Variants in ZNHIT3 observed in about 807,000 individuals in gnomAD.
ZNHIT3 encodes the protein zinc finger HIT-type containing 3, also known as zinc finger HIT domain-containing protein 3.
In ZNHIT3, 27 loss-of-function variants were observed where a neutral mutation model predicts 19.9. The observed-to-expected ratio is 1.36, with a 90% CI of 1.00 to 1.87. ZNHIT3 has a LOEUF of 1.87. Among genes scored for constraint, ZNHIT3 ranks in the 40% most tolerant of loss-of-function variants. ZNHIT3 has a pLI of 0.00. For missense variants in ZNHIT3, 215 were observed against 185.6 expected (o/e 1.16, Z -0.92); for synonymous variants, 81 against 65.7 (o/e 1.23, Z -1.13).
chr17:36,490,254 G>A (rs1450239784), intron 2 of ZNHIT3: 1 of 152,020 alleles, frequency 6.6e-6, no homozygotes, highest in Non-Finnish European at 1.5e-5. Context: ...TTTATATATG[G>A]TGACAGATAA....
rs201228623 is a variant in ZNHIT3, at chr17:36,486,954, C to T, written c.106C>T (p.Arg36Trp). Reference sequence around the variant, plus strand: ...TTACAGCTGCTCGGTAGTCTGCTTCCGGAAGCACAAAGGTGAGCCCCGTCC... The same window carrying T: ...TTACAGCTGCTCGGTAGTCTGCTTCTGGAAGCACAAAGGTGAGCCCCGTCC... Reference protein sequence around the residue: ...RVPYCSVVCFRKHKEQCNPET... With the variant: ...RVPYCSVVCFWKHKEQCNPET... The change falls in exon 2 of 5, where the codon CGG becomes TGG. Residue 36 changes from arginine to tryptophan, a missense_variant. Physicochemically the swap from Arg to Trp is moderately radical, Grantham distance 101 (BLOSUM62 -3). Transcript: ENST00000617429. 2.7e-5 allele frequency: 43 copies of T among 1,611,466 alleles called. No homozygotes were observed. In the East Asian group the frequency reaches 3.4e-4, roughly 13 times the overall value.
chr17:36,486,890 G>A (rs1331968840), intron 1 of ZNHIT3, 45 bp from the exon 2 acceptor site: 8 of 1,593,712 alleles, frequency 5.0e-6, no homozygotes, highest in Middle Eastern at 1.7e-4. Flanking sequence ...TGGAGGGGCC[G>A]GGGACCCTCG....
At position 36,486,979 on chromosome 17, in the gene ZNHIT3, C is replaced by T. The variant is rs1050632293; in HGVS notation, c.118+13C>T. The T allele has an allele frequency of 1.9e-6, 3 of 1,610,884 alleles. No homozygotes were observed. The highest frequency in any genetic ancestry group is 1.7e-5 in the Admixed American group (1 of 59,502). On this transcript the variant is annotated intron_variant, in intron 2 of 4. Coordinates refer to ENST00000617429, the MANE Select transcript of ZNHIT3 (RefSeq NM_004773.4). ...CGGAAGCACAAAGGTGAGCCCCGTC[C>T]CCGCCAGCCCTCGTACCACTGCGCA... is the stretch of plus-strand genomic sequence containing the variant.
chr17:36,488,903 A>G (rs1246566746), intron 2 of ZNHIT3, among the ~76,000 whole-genome samples: 1 of 152,238 alleles, frequency 6.6e-6, no homozygotes, highest in Non-Finnish European at 1.5e-5. Context: ...ACTGTGTAAC[A>G]CTAGAACTTA....
chr17:36,493,340 C>A (rs913811909), intron 3 of ZNHIT3: 1 of 192,746 alleles, frequency 5.2e-6, no homozygotes, highest in Non-Finnish European at 1.1e-5. Context: ...TCAACCCATC[C>A]GTCCAGCCAT....
Position 36,495,726 on chromosome 17 carries a change from G to A in ZNHIT3, c.*322G>A, listed in dbSNP as rs535911723. Reference sequence around the variant, plus strand: ...TCATATGGAGTTAAACTTGGTCAGTGTTAATAAAATCAAAACGTGATTCTA... The same window carrying A: ...TCATATGGAGTTAAACTTGGTCAGTATTAATAAAATCAAAACGTGATTCTA... On this transcript the variant is annotated 3_prime_UTR_variant, in exon 5 of 5. Coordinates refer to ENST00000617429, the MANE Select transcript of ZNHIT3 (RefSeq NM_004773.4). 16 of 1,247,554 alleles carry A rather than the reference G, an allele frequency of 1.3e-5. No individual in the cohort carries two copies. The highest frequency in any genetic ancestry group is 3.9e-5 in the South Asian group (1 of 25,670). 77.3% of individuals were successfully genotyped at this position (1,247,554 alleles called of 1,614,324 possible).
At chr17:36,496,701 C>T (rs2071012459), downstream of ZNHIT3, among the ~76,000 whole-genome samples, 1 of 152,174 alleles carries the variant, frequency 6.6e-6, no homozygotes, top group Non-Finnish European at 1.5e-5. Flanking sequence ...TGGGAGACTT[C>T]ATCCAGATTA....
intron 3 of ZNHIT3, chr17:36,493,192 C>G (rs2070767651): frequency 2.1e-6 from 1 of 479,762 alleles, no homozygotes; most frequent in Non-Finnish European, 3.7e-6. Context: ...CCTTCTCTAG[C>G]CCATAGCTGC....
chr17:36,498,904 G>C, downstream of ZNHIT3: 2 of 610,020 alleles, frequency 3.3e-6, no homozygotes, highest in Non-Finnish European at 5.8e-6. Context: ...CACCCTGCAG[G>C]GTAGGTGTTA....
downstream of ZNHIT3, chr17:36,499,266 G>GTTT (rs111268012): frequency 1.4e-5 from 8 of 554,110 alleles, no homozygotes; most frequent in East Asian, 3.9e-5. Flanking sequence ...TTTCAAATAC[G>GTTT]TTTTTTTTTT....
intron 2 of ZNHIT3, chr17:36,491,840 C>T (rs1487070640): frequency 6.6e-6 from 1 of 152,194 alleles, no homozygotes; most frequent in African/African-American, 2.4e-5. Flanking sequence ...TATAGCATAG[C>T]CGTAAAGTTA....
chr17:36,486,694 A>G lies in ZNHIT3; in HGVS notation c.-6A>G. The G allele has an allele frequency of 1.9e-6, 3 of 1,613,730 alleles. No individual in the cohort carries two copies. Among genetic ancestry groups the G allele is most frequent in the Non-Finnish European group, 1.7e-6 (2 of 1,179,808 alleles). On this transcript the variant is annotated 5_prime_UTR_variant, in exon 1 of 5. Transcript: ENST00000617429. ...GGCGCAGTGAACAGTCTCCTTCCAC[A>G]AAACCATGGCGTCGCTCAAATGTAG...
At chr17:36,492,681 A>T (rs530071058) in intron 2 of ZNHIT3, 132 bp from the exon 3 acceptor site, 1 of 749,898 alleles carries the variant, frequency 1.3e-6, no homozygotes, top group South Asian at 1.7e-5. Flanking sequence ...CACTTCTTCC[A>T]CATTCCTGGG....
At chr17:36,496,471 C>T (rs906697378), downstream of ZNHIT3, 7 of 1,533,674 alleles carry the variant, frequency 4.6e-6, no homozygotes, top group Middle Eastern at 3.4e-4. Flanking sequence ...CTAACAACCC[C>T]ACAGAGCAGA....
chr17:36,497,575 T>TA, downstream of ZNHIT3: 1 of 984,478 alleles, frequency 1.0e-6, no homozygotes, highest in Non-Finnish European at 1.2e-6. Flanking sequence ...GACCTATTAT[T>TA]ACCCTAAACC....
downstream of ZNHIT3, chr17:36,498,347 G>T (rs962453818): frequency 1.2e-6 from 2 of 1,613,908 alleles, no homozygotes; most frequent in African/African-American, 2.7e-5. Context: ...TGCCCCTGGG[G>T]AGCTGGAGGC....
downstream of ZNHIT3, chr17:36,497,974 G>A (rs986945056): frequency 2.4e-6 from 1 of 419,900 alleles, no homozygotes; most frequent in Non-Finnish European, 4.3e-6. Context: ...AATCAGCTGG[G>A]AGCTTGCTAG....
Position 36,493,936 on chromosome 17 carries a change from C to T in ZNHIT3, c.216C>T (p.Asp72=), listed in dbSNP as rs1303143987. The T allele has an allele frequency of 1.2e-6, 2 of 1,613,180 alleles. No individual in the cohort carries two copies. The highest frequency in any genetic ancestry group is 2.2e-5 in the East Asian group (1 of 44,870). ...VKPVENKDDD[D]SIADFLNSDE... Reference sequence around the variant, plus strand: ...TTTTGTATTCCTTAGATGATGATGACTCTATAGCTGATTTTCTCAATAGTG... The same window carrying T: ...TTTTGTATTCCTTAGATGATGATGATTCTATAGCTGATTTTCTCAATAGTG... The change falls in exon 4 of 5, where the codon GAC becomes GAT. Residue 72 remains aspartate (D), a synonymous_variant. Transcript: ENST00000617429.
intron 2 of ZNHIT3, among the ~76,000 whole-genome samples, chr17:36,488,518 C>T (rs920397434): frequency 3.9e-5 from 6 of 152,124 alleles, no homozygotes; most frequent in African/African-American, 1.2e-4. Context: ...GCACTCCAGC[C>T]TGGGCAACAG....
Sources: allele counts gnomAD v4.1 joint callset (sites outside exome capture counted in the v4.1 genomes callset), GRCh38; gene constraint gnomAD v4.1.1; transcripts MANE v1.5; gene names NCBI Gene and HGNC (gene_info 2026-07-23, HGNC 2026-07-21).